The following EFCAB6 variants were observed in gnomAD, a reference collection of about 807,000 sequenced individuals.
EFCAB6 encodes the protein EF-hand calcium-binding domain-containing protein 6.
Under a neutral mutation model 169.8 loss-of-function variants are expected in EFCAB6, and 156 were observed. The observed-to-expected ratio is 0.92, with a 90% CI of 0.81 to 1.05. EFCAB6 has a LOEUF of 1.05. Among genes scored for constraint, EFCAB6 ranks in the 50% least tolerant of loss-of-function variants. The pLI is 0.00. For synonymous variants in EFCAB6, 698 were observed against 676.4 expected, an observed-to-expected ratio of 1.03 and a Z score of -0.50; for missense variants, 1,800 against 1,829.1, an observed-to-expected ratio of 0.98 and a Z score of 0.29.
intron 17 of EFCAB6, among the ~76,000 whole-genome samples, chr22:43,662,360 G>C (rs1403586932): frequency 6.6e-6 from 1 of 151,986 alleles, no homozygotes; most frequent in Non-Finnish European, 1.5e-5. Flanking sequence ...TCCGGGGTAG[G>C]CAGCCACCCT....
At chr22:43,563,008 C>A (rs2049166458) in intron 26 of EFCAB6, among the ~76,000 whole-genome samples, 2 of 152,192 alleles carry the variant, frequency 1.3e-5, no homozygotes, top group African/African-American at 2.4e-5. Context: ...TTCAGGGAGG[C>A]ACAGTGCTGG....
chr22:43,782,289 C>A lies in EFCAB6; in HGVS notation c.30G>T (p.Trp10Cys). The A allele has an allele frequency of 6.2e-7, 1 of 1,614,026 alleles. No individual in the cohort carries two copies. The highest frequency in any genetic ancestry group is 8.5e-7 in the Non-Finnish European group (1 of 1,179,974). The change falls in exon 3 of 32, where the codon TGG (tryptophan) becomes TGT (cysteine). Residue 10 changes from tryptophan to cysteine, a missense_variant. Transcript: ENST00000262726. ...TTCGTGTGTGAGGATGCGACCTAAG[C>A]CAGTCTGGTATAATCGCCATTTTGC... MCKMAIIPD[W>C]LRSHPHTRKF...
intron 26 of EFCAB6, among the ~76,000 whole-genome samples, chr22:43,556,108 C>A (rs749701810): frequency 6.6e-6 from 1 of 152,054 alleles, no homozygotes; most frequent in African/African-American, 2.4e-5. Context: ...GGAGGAGGCA[C>A]TGGGGAGACT....
At chr22:43,683,932 G>T in intron 11 of EFCAB6, 77 bp from the exon 12 acceptor site, 1 of 1,092,114 alleles carries the variant, frequency 9.2e-7, no homozygotes, top group South Asian at 1.3e-5. Context: ...CAAGAAACAA[G>T]CACCCTCACC....
rs543695834 is a variant in EFCAB6, at chr22:43,697,948, C to T, written c.1032-10367G>A. On this transcript the variant is annotated intron_variant, in intron 10 of 31. Coordinates refer to ENST00000262726, the MANE Select transcript of EFCAB6 (RefSeq NM_022785.4). ...ACAGAGGCAAAGGGACTGATCATATCGGTCATAGGGACCCATGGGAATTCA... is the reference window on the plus strand; with the variant it reads ...ACAGAGGCAAAGGGACTGATCATATTGGTCATAGGGACCCATGGGAATTCA... 1.8e-4 allele frequency among the ~76,000 whole-genome samples: 28 copies of T among 152,274 alleles called. No homozygotes were observed. The South Asian group carries it at 5.6e-3, about 30-fold the overall frequency.
chr22:43,590,214 G>T lies in EFCAB6; in HGVS notation c.2892C>A (p.Asp964Glu). Residue 964 changes from aspartate (D) to glutamate (E), a missense_variant, in exon 24 of 32, where the codon GAC becomes GAA. By Grantham distance (45) the Asp-to-Glu change is conservative. Transcript: ENST00000262726. ...ATGCTTTGCTGATATCTTGATGGCG[G>T]TCCATAAGCTTATCCCTGAAAGAGA... The part of the protein sequence containing the change: ...KAVAARDKLM[D>E]RHQDISKAFT... 6.2e-7 allele frequency: 1 copy of T among 1,613,354 alleles called. No homozygotes were observed. The highest frequency in any genetic ancestry group is 8.5e-7 in the Non-Finnish European group (1 of 1,179,770).
Position 43,540,514 on chromosome 22 carries a change from C to T in EFCAB6, c.3649-157G>A, listed in dbSNP as rs1031275953. The T allele has an allele frequency of 7.8e-6, 12 of 1,532,726 alleles. No individual in the cohort carries two copies. The African/African-American group carries it at 1.5e-4, about 19-fold the overall frequency. The allele number at this position is 1,532,726 out of a possible 1,614,324, so 94.9% of individuals were successfully genotyped here. Reference sequence around the variant, plus strand: ...TTAAAAAAATAAAACGCCCATTTGGCCTTCGCTCGGCGGAGGCCTCAGGAA... The same window carrying T: ...TTAAAAAAATAAAACGCCCATTTGGTCTTCGCTCGGCGGAGGCCTCAGGAA... On this transcript the variant is annotated intron_variant, in intron 27 of 31. Transcript: ENST00000262726.
intron 13 of EFCAB6, among the ~76,000 whole-genome samples, chr22:43,676,891 T>G (rs1201910439): frequency 6.6e-6 from 1 of 152,196 alleles, no homozygotes; most frequent in Non-Finnish European, 1.5e-5. Context: ...TGGCTTCAGC[T>G]AAACCATCTT....
intron 18 of EFCAB6, among the ~76,000 whole-genome samples, chr22:43,633,032 CAGG>C (rs1164212926): frequency 2.6e-5 from 4 of 152,218 alleles, no homozygotes; most frequent in African/African-American, 9.7e-5. Context: ...CAGCAACGCT[CAGG>C]AGAAGGTCCT....
intron 6 of EFCAB6, among the ~76,000 whole-genome samples, chr22:43,739,332 C>T (rs550145366): frequency 6.6e-6 from 1 of 152,268 alleles, no homozygotes; most frequent in African/African-American, 2.4e-5. Flanking sequence ...AGAGCCAATG[C>T]TCTCTCTCCT....
rs962716361 is a variant in EFCAB6, at chr22:43,628,479, C to T, written c.2233-1800G>A. 2.6e-5 allele frequency among the ~76,000 whole-genome samples: 4 copies of T among 152,154 alleles called. No individual in the cohort carries two copies. Among genetic ancestry groups the T allele is most frequent in the South Asian group, 2.1e-4 (1 of 4,828 alleles). The stretch of plus-strand genomic sequence containing the variant: ...GGCCTCTGCTCTGTGCAATCGCTCC[C>T]GAGCGATCCCTTACAGCTGACGTCA... On this transcript the variant is annotated intron_variant, in intron 19 of 31. Transcript: ENST00000262726. The surrounding 1 kb of genome is among the most constrained non-coding windows in gnomAD (Gnocchi z 4.8).
At chr22:43,720,808 C>A (rs2059497707) in intron 8 of EFCAB6, among the ~76,000 whole-genome samples, 1 of 151,708 alleles carries the variant, frequency 6.6e-6, no homozygotes, top group South Asian at 2.1e-4. Context: ...GAGAAGAAAA[C>A]CAAACAATGG....
At chr22:43,617,851 C>T (rs926188644) in intron 20 of EFCAB6, among the ~76,000 whole-genome samples, 22 of 152,104 alleles carry the variant, frequency 1.4e-4, no homozygotes, top group South Asian at 8.3e-4. Flanking sequence ...CGCCTGTAAT[C>T]CCAGCACTTT....
chr22:43,702,750 C>A (rs1378542413), intron 10 of EFCAB6, among the ~76,000 whole-genome samples: 2 of 152,156 alleles, frequency 1.3e-5, no homozygotes, highest in African/African-American at 4.8e-5. Context: ...CATCTAACTG[C>A]ATATCACACC....
intron 25 of EFCAB6, among the ~76,000 whole-genome samples, chr22:43,578,723 C>A (rs2050427141): frequency 6.6e-6 from 1 of 151,930 alleles, no homozygotes; most frequent in African/African-American, 2.4e-5. Context: ...TCATTCCATA[C>A]ACACAGGCAT....
intron 5 of EFCAB6, among the ~76,000 whole-genome samples, chr22:43,764,929 TAA>T (rs1569478031): frequency 6.6e-6 from 1 of 152,162 alleles, no homozygotes; most frequent in Non-Finnish European, 1.5e-5. Context: ...CACTTTCCAA[TAA>T]CAACATTAAA....
intron 27 of EFCAB6, 195 bp from the exon 28 acceptor site, chr22:43,540,552 G>A: frequency 6.6e-7 from 1 of 1,519,372 alleles, no homozygotes; most frequent in East Asian, 2.5e-5. Context: ...CTCTGGAAAA[G>A]CAAAGACAAG....
chr22:43,660,453 G>T (rs1928332167), intron 17 of EFCAB6, among the ~76,000 whole-genome samples: 1 of 151,836 alleles, frequency 6.6e-6, no homozygotes, highest in Admixed American at 6.6e-5. Flanking sequence ...TCCTCCCATA[G>T]GAACACAACC....
Position 43,671,876 on chromosome 22 carries a change from C to T in EFCAB6, c.1640+97G>A, listed in dbSNP as rs540488125. ...AAATAGCAGTTATTATCAATACTAC[C>T]TATTAATATTTCAAAAACACACAGA... On this transcript the variant is annotated intron_variant, in intron 15 of 31. Transcript: ENST00000262726. The T allele has an allele frequency of 3.6e-6, 5 of 1,370,540 alleles. No individual in the cohort carries two copies. The South Asian group carries it at 5.6e-5, about 15-fold the overall frequency. The allele number at this position is 1,370,540 out of a possible 1,614,324, so 84.9% of individuals were successfully genotyped here.
Sources: gnomAD v4.1 joint callset for allele counts (sites outside exome capture counted in the v4.1 genomes callset) on GRCh38, gnomAD v4.1.1 for gene constraint, Gnocchi (gnomAD v3.1) non-coding constraint, MANE v1.5 for transcripts, NCBI Gene and HGNC (gene_info 2026-07-23, HGNC 2026-07-21) for gene names.